TFAP2A: variants seen among roughly 807,000 people sequenced by gnomAD.
TFAP2A encodes transcription factor AP-2-alpha.
In TFAP2A, 7 loss-of-function variants were observed where a neutral mutation model predicts 41.5. The observed-to-expected ratio is 0.17, with a 90% confidence interval of 0.10 to 0.32. The LOEUF (loss-of-function observed/expected upper bound fraction) is 0.32, where lower values mean the gene tolerates loss of function less well. TFAP2A is among the 10% of genes least tolerant of loss of function. The probability of loss-of-function intolerance (pLI) is 1.00; values close to 1 mark genes in which losing one functional copy is unlikely to be tolerated. For synonymous variants in TFAP2A, 247 were observed against 242.8 expected, an observed-to-expected ratio of 1.02 and a Z score of -0.16; for missense variants, 416 against 563.3, an observed-to-expected ratio of 0.74 and a Z score of 2.65.
Position 10,398,441 on chromosome 6 carries a change from G to C in TFAP2A, c.1296C>G (p.Asp432Glu). 6.2e-7 allele frequency: 1 copy of C among 1,614,216 alleles called. No individual in the cohort carries two copies. Among genetic ancestry groups the C allele is most frequent in the Non-Finnish European group, 8.5e-7 (1 of 1,180,046 alleles). ...CTCACTTTCTGTGCTTCTCCTCTTTGTCACTGCTTTTGGCGTTGTTGTCCG... is the reference window on the plus strand; with the variant it reads ...CTCACTTTCTGTGCTTCTCCTCTTTCTCACTGCTTTTGGCGTTGTTGTCCG... Reference protein sequence around the residue: ...SHTDNNAKSSDKEEKHRK With the variant: ...SHTDNNAKSSEKEEKHRK Residue 432 changes from aspartate (D) to glutamate (E), a missense_variant, in exon 7 of 7, where the codon GAC becomes GAG. Coordinates refer to ENST00000379613, the MANE Select transcript of TFAP2A (RefSeq NM_001372066.1). The surrounding 1 kb of genome is among the most constrained non-coding windows in gnomAD (Gnocchi z 5.3).
At chr6:10,409,798 T>G in intron 2 of TFAP2A, 103 bp downstream of exon 2, 1 of 1,371,074 alleles carries the variant, frequency 7.3e-7, no homozygotes, top group South Asian at 1.3e-5. Context: ...AAGGAAATAC[T>G]AGGGAGAACC....
chr6:10,414,862 G>A, intron 1 of TFAP2A, 79 bp downstream of exon 1: 1 of 1,590,470 alleles, frequency 6.3e-7, no homozygotes, highest in Non-Finnish European at 8.6e-7. Context: ...GCAGCTGGTT[G>A]CAAGGAGAGG....
At chr6:10,414,184 G>C (rs1158121863) in intron 1 of TFAP2A, among the ~76,000 whole-genome samples, 1 of 152,228 alleles carries the variant, frequency 6.6e-6, no homozygotes, top group African/African-American at 2.4e-5. Flanking sequence ...GCAGAAGCTG[G>C]TGCTCCCGCA....
chr6:10,403,997 T>C (rs1423145687), intron 4 of TFAP2A, among the ~76,000 whole-genome samples: 1 of 152,182 alleles, frequency 6.6e-6, no homozygotes, highest in Non-Finnish European at 1.5e-5. Context: ...ACAACCATTC[T>C]CTTCCTTTAG....
At position 10,410,166 on chromosome 6, in the gene TFAP2A, G is replaced by C; in HGVS notation, c.221C>G (p.Pro74Arg). Reference protein sequence around the residue: ...YQPIYPQSQDPYSHVNDPYSL... With the variant: ...YQPIYPQSQDRYSHVNDPYSL... The stretch of plus-strand genomic sequence containing the variant: ...GTAGGGGTCGTTGACGTGGGAGTAA[G>C]GATCTTGCGACTGGGGGTAGATAGG... Residue 74 changes from proline to arginine, a missense_variant, in exon 2 of 7, where the codon CCT becomes CGT. Transcript: ENST00000379613. 6.2e-7 allele frequency: 1 copy of C among 1,602,506 alleles called. No homozygotes were observed. Among genetic ancestry groups the C allele is most frequent in the Non-Finnish European group, 8.5e-7 (1 of 1,174,554 alleles).
chr6:10,404,555 T>G lies in TFAP2A; in HGVS notation c.723A>C (p.Ser241=), dbSNP rs763782805. Residue 241 remains serine, a synonymous_variant, in exon 4 of 7, where the codon TCA becomes TCC. Coordinates refer to ENST00000379613, the MANE Select transcript of TFAP2A (RefSeq NM_001372066.1). The part of the protein sequence containing the change: ...VTVAEVQRRL[S]PPECLNASLL... ...GCGACGCGTTGAGACACTCGGGTGG[T>G]GAGAGCCGCCGCTGCACTTCCGCCA... is the stretch of plus-strand genomic sequence containing the variant. 23 of 1,613,412 alleles carry G rather than the reference T, an allele frequency of 1.4e-5. No homozygotes were observed. Among genetic ancestry groups the G allele is most frequent in the Non-Finnish European group, 1.9e-5 (22 of 1,179,768 alleles).
intron 5 of TFAP2A, 148 bp from the exon 6 acceptor site, chr6:10,400,737 T>G (rs1453943815): frequency 1.1e-6 from 1 of 948,418 alleles, no homozygotes; most frequent in Non-Finnish European, 1.7e-6. Context: ...GGCATTTTAT[T>G]TCCTTCTCTG....
intron 1 of TFAP2A, chr6:10,412,097 C>T: frequency 1.0e-6 from 1 of 994,778 alleles, no homozygotes; most frequent in Non-Finnish European, 1.2e-6. Context: ...GAGCGTGAAG[C>T]GGAGAGGCAA....
At chr6:10,403,953 G>A (rs549823206) in intron 4 of TFAP2A, among the ~76,000 whole-genome samples, 7 of 152,304 alleles carry the variant, frequency 4.6e-5, no homozygotes, top group Non-Finnish European at 1.0e-4. Context: ...GGAGATGACA[G>A]CGACCGGAAA....
intron 1 of TFAP2A, chr6:10,412,763 T>G (rs1037982598): frequency 2.7e-4 from 64 of 236,390 alleles, no homozygotes; most frequent in Non-Finnish European, 4.8e-4. Context: ...GGCTGCCCGC[T>G]GCTGCGCGGC....
At chr6:10,407,274 G>T (rs1757759572) in intron 2 of TFAP2A, 1 of 232,430 alleles carries the variant, frequency 4.3e-6, no homozygotes, top group African/African-American at 2.3e-5. Context: ...GACAGGGGCG[G>T]GAGTAACAGG....
chr6:10,399,520 G>A (rs553582673), intron 6 of TFAP2A, among the ~76,000 whole-genome samples: 22 of 152,286 alleles, frequency 1.4e-4, no homozygotes, highest in Admixed American at 1.3e-3. Context: ...TCTGAATCTG[G>A]GAAGCAAGGG....
At chr6:10,407,730 TTG>T (rs1757784429) in intron 2 of TFAP2A, 1 of 152,210 alleles carries the variant, frequency 6.6e-6, no homozygotes, top group South Asian at 2.1e-4. Context: ...TCTCTAGTCT[TTG>T]TCCAACAATA....
chr6:10,415,890 C>T (rs952885042), upstream of TFAP2A: 3 of 152,184 alleles, frequency 2.0e-5, no homozygotes, highest in African/African-American at 7.2e-5. Context: ...TTTGCAATCC[C>T]TTAATTGCAG....
Position 10,398,017 on chromosome 6 carries a change from T to G in TFAP2A, c.*400A>C, listed in dbSNP as rs1367350373. 11 of 1,071,218 alleles carry G rather than the reference T, an allele frequency of 1.0e-5. No homozygotes were observed. The highest frequency in any genetic ancestry group is 1.2e-5 in the Non-Finnish European group (11 of 883,112). The allele number at this position is 1,071,218 out of a possible 1,614,324, so 66.4% of individuals were successfully genotyped here. On this transcript the variant is annotated 3_prime_UTR_variant, in exon 7 of 7. Transcript: ENST00000379613. The surrounding 1 kb of genome is among the most constrained non-coding windows in gnomAD (Gnocchi z 5.3). The stretch of plus-strand genomic sequence containing the variant: ...GCATATAATTTTTTTTATTTTCACT[T>G]TTTTTTTAGAAAAAAGTTTTTAATT...
At chr6:10,419,044 C>T (rs186581685), upstream of TFAP2A, among the ~76,000 whole-genome samples, 371 of 152,304 alleles carry the variant, frequency 2.4e-3, 1 homozygote, top group African/African-American at 8.6e-3. Flanking sequence ...ACCACAACCC[C>T]AGGCCTTCTC....
At position 10,398,044 on chromosome 6, in the gene TFAP2A, T is replaced by G. The variant is rs1761845767; in HGVS notation, c.*373A>C. ...TTTTTTAGAAAAAAGTTTTTAATTTTTGTTGTTGTTGTTGCTGTTGTTGAT... is the reference window on the plus strand; with the variant it reads ...TTTTTTAGAAAAAAGTTTTTAATTTGTGTTGTTGTTGTTGCTGTTGTTGAT... On this transcript the variant is annotated 3_prime_UTR_variant, in exon 7 of 7. Transcript: ENST00000379613. This position sits in a 1 kb window ranked among gnomAD's most constrained non-coding sequence, Gnocchi z 5.3. 5 of 1,059,400 alleles carry G rather than the reference T, an allele frequency of 4.7e-6. No individual in the cohort carries two copies. The highest frequency in any genetic ancestry group is 2.0e-5 in the African/African-American group (1 of 49,838). 65.6% of individuals were successfully genotyped at this position (1,059,400 alleles called of 1,614,324 possible). A position where few individuals can be genotyped will look rare whatever the true frequency, so the allele number is the denominator to read the frequency against.
chr6:10,405,712 G>T (rs1581264370), intron 3 of TFAP2A: 1 of 152,134 alleles, frequency 6.6e-6, no homozygotes, highest in Admixed American at 6.5e-5. Flanking sequence ...TCCATTTGGA[G>T]ACATCATATG....
chr6:10,411,974 G>T (rs556250805), intron 1 of TFAP2A: 157 of 1,088,890 alleles, frequency 1.4e-4, no homozygotes, highest in Non-Finnish European at 1.7e-4. Context: ...CGGCGGCTTC[G>T]CTTGAGCTTC....
Sources: allele counts gnomAD v4.1 joint callset (sites outside exome capture counted in the v4.1 genomes callset), GRCh38; gene constraint gnomAD v4.1.1; non-coding constraint Gnocchi (gnomAD v3.1); transcripts MANE v1.5; gene names NCBI Gene and HGNC (gene_info 2026-07-23, HGNC 2026-07-21).